CCDC158: variants seen among roughly 807,000 people sequenced by gnomAD.
The protein encoded by CCDC158 is coiled-coil domain-containing protein 158.
In CCDC158, 116 loss-of-function variants were observed where a neutral mutation model predicts 138.6. The observed-to-expected ratio is 0.84, with a 90% CI of 0.72 to 0.98. The LOEUF is 0.98. CCDC158 is among the 50% of genes least tolerant of loss of function. The pLI, the probability that CCDC158 is intolerant of heterozygous loss-of-function variation, is 0.00. For missense variants in CCDC158, 1,265 were observed against 1,306.1 expected (o/e 0.97, Z 0.48); for synonymous variants, 436 against 442.4 (o/e 0.99, Z 0.18).
At chr4:76,377,590 T>C (rs764540119) in intron 9 of CCDC158, among the ~76,000 whole-genome samples, 43 of 152,196 alleles carry the variant, frequency 2.8e-4, no homozygotes, top group Middle Eastern at 3.2e-3. Context: ...CTGCCCAGAC[T>C]GGGGTGGACA....
intron 14 of CCDC158, 138 bp from the exon 15 acceptor site, chr4:76,355,574 G>A: frequency 1.5e-6 from 1 of 657,594 alleles, no homozygotes; most frequent in South Asian, 1.8e-5. Context: ...AAAAGATCAT[G>A]GACGAATGTC....
At chr4:76,362,365 T>C in intron 12 of CCDC158, 50 bp from the exon 13 acceptor site, 1 of 1,363,782 alleles carries the variant, frequency 7.3e-7, no homozygotes. Flanking sequence ...AATATGTACA[T>C]GTATAGTTAT....
At chr4:76,393,817 A>G (rs752777272) in intron 4 of CCDC158, among the ~76,000 whole-genome samples, 3 of 152,166 alleles carry the variant, frequency 2.0e-5, no homozygotes, top group Non-Finnish European at 2.9e-5. Context: ...AAATAGGCAA[A>G]TGATTTGAAT....
chr4:76,419,862 G>A (rs1214163150), intron 1 of CCDC158, among the ~76,000 whole-genome samples: 2 of 149,680 alleles, frequency 1.3e-5, no homozygotes, highest in African/African-American at 4.9e-5. Context: ...ATATAATTTG[G>A]GGCCATCTAG....
At chr4:76,341,797 T>C (rs6532361) in intron 18 of CCDC158, among the ~76,000 whole-genome samples, 4,022 of 152,334 alleles carry the variant, frequency 0.026, 174 homozygotes, top group African/African-American at 0.092. Flanking sequence ...ATTACTTTTC[T>C]GGTTTTCCTA....
chr4:76,379,126 A>T (rs899865897), intron 9 of CCDC158, among the ~76,000 whole-genome samples, 164 bp downstream of exon 9: 1 of 152,000 alleles, frequency 6.6e-6, no homozygotes, highest in East Asian at 1.9e-4. Context: ...AAAATAGTTT[A>T]TAAATAGTTT....
At chr4:76,348,908 G>A (rs1391512126) in intron 18 of CCDC158, among the ~76,000 whole-genome samples, 2 of 152,110 alleles carry the variant, frequency 1.3e-5, no homozygotes, top group Non-Finnish European at 2.9e-5. Context: ...GAGTAGATAA[G>A]GGATGAAAAT....
Position 76,323,304 on chromosome 4 carries a change from T to A in CCDC158, c.3275A>T (p.Gln1092Leu). Residue 1092 changes from glutamine to leucine, a missense_variant and splice_region_variant, in exon 24 of 25, where the codon CAA (glutamine) becomes CTA (leucine). Transcript: ENST00000682701. ...CTCTCCAAAAACGTACACTGTACCT[T>A]GGTTCTTCAGCTGTAAATCTTCTAC... ...TLVEDLQLKN[Q>L]AMSSMIRNQE... is the part of the protein sequence containing the mutation. The A allele has an allele frequency of 6.2e-7, 1 of 1,607,218 alleles. No homozygotes were observed. The highest frequency in any genetic ancestry group is 2.2e-5 in the East Asian group (1 of 44,838).
At chr4:76,406,240 T>C in intron 2 of CCDC158, among the ~76,000 whole-genome samples, 1 of 152,160 alleles carries the variant, frequency 6.6e-6, no homozygotes, top group East Asian at 1.9e-4. Context: ...GAGCATTAAC[T>C]AAAACAAATT....
In CCDC158 at chr4:76,362,253, C is replaced by G. The variant is rs1334218331; in HGVS notation, c.1893G>C (p.Glu631Asp). ...CATTCACCAGCTTCACCTTTTCCAGCTCCAAGTCACTCACTCTGGCCTCAA... is the reference window on the plus strand; with the variant it reads ...CATTCACCAGCTTCACCTTTTCCAGGTCCAAGTCACTCACTCTGGCCTCAA... ...RELEARVSDLELEKVKLVNAG... is the reference protein window; with the variant it reads ...RELEARVSDLDLEKVKLVNAG... The change falls in exon 13 of 25, where the codon GAG (glutamate) becomes GAC (aspartate). Residue 631 changes from glutamate (E) to aspartate (D), a missense_variant. By Grantham distance (45) the Glu-to-Asp change is conservative (BLOSUM62 2). Transcript: ENST00000682701. 1 of 1,614,160 alleles carries G rather than the reference C, an allele frequency of 6.2e-7. No homozygotes were observed. The highest frequency in any genetic ancestry group is 1.3e-5 in the African/African-American group (1 of 75,042).
chr4:76,339,616 CAA>C (rs1483566176), intron 18 of CCDC158, among the ~76,000 whole-genome samples: 1 of 152,182 alleles, frequency 6.6e-6, no homozygotes, highest in Non-Finnish European at 1.5e-5. Flanking sequence ...CAGAACTATT[CAA>C]GTCTTTGAAT....
At chr4:76,332,818 A>G (rs980112325) in intron 19 of CCDC158, among the ~76,000 whole-genome samples, 26 of 152,236 alleles carry the variant, frequency 1.7e-4, no homozygotes, top group African/African-American at 5.1e-4. Flanking sequence ...CAAGCCCATC[A>G]TTAGTGGCTG....
chr4:76,335,269 C>T (rs548586278), intron 18 of CCDC158, among the ~76,000 whole-genome samples: 10 of 152,116 alleles, frequency 6.6e-5, no homozygotes, highest in Non-Finnish European at 1.3e-4. Flanking sequence ...TTGTTCTTGC[C>T]CTCACGCTAA....
intron 3 of CCDC158, among the ~76,000 whole-genome samples, chr4:76,402,900 A>G (rs1728523386): frequency 6.6e-6 from 1 of 152,244 alleles, no homozygotes. Flanking sequence ...TTAGGGAGGC[A>G]TGGGGCATGT....
chr4:76,338,675 T>G (rs556857073), intron 18 of CCDC158, among the ~76,000 whole-genome samples: 3 of 152,334 alleles, frequency 2.0e-5, no homozygotes, highest in Admixed American at 1.3e-4. Context: ...TGAGTTGATG[T>G]ACTTCAACTG....
chr4:76,352,278 A>G (rs1447088292), intron 16 of CCDC158: 1 of 152,620 alleles, frequency 6.6e-6, no homozygotes, highest in Non-Finnish European at 1.5e-5. Flanking sequence ...ATGGTGGTGC[A>G]CAACTGTAGT....
chr4:76,394,817 T>C (rs936788354), intron 4 of CCDC158, among the ~76,000 whole-genome samples: 17 of 151,860 alleles, frequency 1.1e-4, no homozygotes, highest in Admixed American at 9.2e-4. Context: ...CTGGAAACCA[T>C]GGATCCAACC....
intron 11 of CCDC158, 94 bp from the exon 12 acceptor site, chr4:76,367,870 G>T: frequency 3.4e-6 from 4 of 1,187,420 alleles, no homozygotes; most frequent in Non-Finnish European, 4.6e-6. Context: ...ATGAAATCAT[G>T]AATTAGGCAA....
intron 24 of CCDC158, among the ~76,000 whole-genome samples, chr4:76,322,910 T>C (rs1224889460): frequency 1.3e-5 from 2 of 152,240 alleles, no homozygotes; most frequent in Non-Finnish European, 2.9e-5. Context: ...ATAAATACCA[T>C]TATTTTGCTT....
Sources: gnomAD v4.1 joint callset for allele counts (sites outside exome capture counted in the v4.1 genomes callset) on GRCh38, gnomAD v4.1.1 for gene constraint, MANE v1.5 for transcripts, NCBI Gene and HGNC (gene_info 2026-07-23, HGNC 2026-07-21) for gene names.